Variants in HEATR4 observed in about 807,000 individuals in gnomAD.
HEATR4 encodes HEAT repeat-containing protein 4.
Under a neutral mutation model 108.8 loss-of-function variants are expected in HEATR4, and 95 were observed. The ratio of observed to expected loss-of-function variants is 0.87; its 90% CI spans 0.74 to 1.04. HEATR4 has a LOEUF of 1.04. Among genes scored for constraint, HEATR4 ranks in the 50% least tolerant of loss-of-function variants. The pLI is 0.00. For synonymous variants in HEATR4, 443 were observed against 459.4 expected (o/e 0.96, Z 0.46); for missense variants, 1,152 against 1,253.8 (o/e 0.92, Z 1.23).
Position 73,502,992 on chromosome 14 carries a change from G to T in HEATR4, c.2008C>A (p.Gln670Lys). 6.2e-7 allele frequency: 1 copy of T among 1,613,688 alleles called. No individual in the cohort carries two copies. Among genetic ancestry groups the T allele is most frequent in the Non-Finnish European group, 8.5e-7 (1 of 1,179,816 alleles). ...VCLDMKHKLIQLMWNDWNKEV... is the reference protein window; with the variant it reads ...VCLDMKHKLIKLMWNDWNKEV... Reference sequence around the variant, plus strand: ...TTATTCCAGTCATTCCACATCAGCTGGATCAACTTATGTTTCATATCCTAT... The same window carrying T: ...TTATTCCAGTCATTCCACATCAGCTTGATCAACTTATGTTTCATATCCTAT... Residue 670 changes from glutamine (Q) to lysine (K), a missense_variant, in exon 11 of 18, where the codon CAG becomes AAG. By Grantham distance (53) the Gln-to-Lys change is moderately conservative (BLOSUM62 1). Coordinates refer to ENST00000553558, the MANE Select transcript of HEATR4 (RefSeq NM_001220484.1).
Position 73,526,062 on chromosome 14 carries a change from C to T in HEATR4, c.-72-2838G>A, listed in dbSNP as rs559307158. Among the ~76,000 whole-genome samples, 11 of 152,230 alleles carry T rather than the reference C, an allele frequency of 7.2e-5. No homozygotes were observed. In the East Asian group the frequency reaches 7.7e-4, roughly 11 times the overall value. Reference sequence around the variant, plus strand: ...GAGGCACTGAAGAGGGTGGGAAAGACGGTCCTGCATCGCCTATGCCCCCCT... The same window carrying T: ...GAGGCACTGAAGAGGGTGGGAAAGATGGTCCTGCATCGCCTATGCCCCCCT... On this transcript the variant is annotated intron_variant, in intron 2 of 17. Transcript: ENST00000553558.
chr14:73,585,156 T>G, the HEATR4 span, among the ~76,000 whole-genome samples: 1 of 152,034 alleles, frequency 6.6e-6, no homozygotes, highest in Admixed American at 6.5e-5. Context: ...GCACACACTA[T>G]CCAGCATTCC....
In HEATR4 at chr14:73,509,811, C is replaced by CATATATATATAT. The variant is rs1566832128; in HGVS notation, c.1559-350_1559-339dup. On this transcript the variant is annotated intron_variant, in intron 7 of 17. Coordinates refer to ENST00000553558, the MANE Select transcript of HEATR4 (RefSeq NM_001220484.1). ...AAGCAACCAATTTGCCCCATGAGCC[C>CATATATATATAT]ATATATATATATATATATATATATA... Among the ~76,000 whole-genome samples, 6 of 19,492 alleles carry CATATATATATAT rather than the reference C, an allele frequency of 3.1e-4. 1 individual carries two copies. The highest frequency in any genetic ancestry group is 1.9e-3 in the South Asian group (1 of 526). The allele number at this position is 19,492 out of a possible 152,430, so 12.8% of individuals were successfully genotyped here.
At chr14:73,596,593 T>G in the HEATR4 span, 1 of 149,392 alleles carries the variant, frequency 6.7e-6, no homozygotes, top group Non-Finnish European at 1.5e-5. Context: ...ACATAGCATT[T>G]ATTATTATTA....
the HEATR4 span, among the ~76,000 whole-genome samples, chr14:73,567,132 T>TA: frequency 6.6e-6 from 1 of 152,060 alleles, no homozygotes; most frequent in African/African-American, 2.4e-5. Flanking sequence ...AGACAGGGTC[T>TA]TGCTATGTTG....
chr14:73,573,542 T>A, the HEATR4 span: 1 of 1,613,710 alleles, frequency 6.2e-7, no homozygotes, highest in Non-Finnish European at 8.5e-7. Context: ...AGACGCTCCA[T>A]CTGGAGTACT....
chr14:73,509,579 T>C, intron 7 of HEATR4, 106 bp from the exon 8 acceptor site: 1 of 1,084,732 alleles, frequency 9.2e-7, no homozygotes, highest in South Asian at 1.4e-5. Context: ...CCAGCTGCAG[T>C]TGCTTAGTGC....
At chr14:73,528,271 C>T (rs1023851152) in intron 2 of HEATR4, among the ~76,000 whole-genome samples, 1 of 150,724 alleles carries the variant, frequency 6.6e-6, no homozygotes, top group Non-Finnish European at 1.5e-5. Context: ...GGTGGGCATC[C>T]GTAATCCCAG....
rs1474630009 is a variant in HEATR4 at position 73,543,969 on chromosome 14, G to A, written c.-151-13725C>T. Reference sequence around the variant, plus strand: ...AACATCAATTAACAGTGTCTGGTACGTAAATGGAGTTCAATAATTATTTGC... The same window carrying A: ...AACATCAATTAACAGTGTCTGGTACATAAATGGAGTTCAATAATTATTTGC... On this transcript the variant is annotated intron_variant, in intron 1 of 17. Coordinates refer to ENST00000553558, the MANE Select transcript of HEATR4 (RefSeq NM_001220484.1). Among the ~76,000 whole-genome samples, 7 of 107,508 alleles carry A rather than the reference G, an allele frequency of 6.5e-5. 1 individual carries two copies. Among genetic ancestry groups the A allele is most frequent in the African/African-American group, 2.0e-4 (7 of 34,220 alleles). The allele number at this position is 107,508 out of a possible 152,430, so 70.5% of individuals were successfully genotyped here.
intron 6 of HEATR4, among the ~76,000 whole-genome samples, chr14:73,512,650 T>A (rs977476317): frequency 3.9e-5 from 6 of 152,322 alleles, no homozygotes; most frequent in African/African-American, 1.4e-4. Flanking sequence ...GGCAAGATAA[T>A]GAAGGTTCAA....
In HEATR4 at chr14:73,536,917, C is replaced by T. The variant is rs1380019189; in HGVS notation, c.-151-6673G>A. The stretch of plus-strand genomic sequence containing the variant: ...TTCAACAAAGTGATCAAAACCAACT[C>T]CAGTCCTGCATTCCTCTTCGCCATC... On this transcript the variant is annotated intron_variant, in intron 1 of 17. Transcript: ENST00000553558. 4.4e-5 allele frequency among the ~76,000 whole-genome samples: 5 copies of T among 114,570 alleles called. 2 individuals carry two copies. Among genetic ancestry groups the T allele is most frequent in the African/African-American group, 1.4e-4 (5 of 35,216 alleles). 75.2% of individuals were successfully genotyped at this position (114,570 alleles called of 152,430 possible).
chr14:73,617,401 C>T, the HEATR4 span, among the ~76,000 whole-genome samples: 3 of 151,954 alleles, frequency 2.0e-5, no homozygotes, highest in African/African-American at 7.2e-5. Flanking sequence ...GATTGCTTGA[C>T]CCCAGGAGTT....
At chr14:73,604,524 T>C in the HEATR4 span, among the ~76,000 whole-genome samples, 1 of 151,252 alleles carries the variant, frequency 6.6e-6, no homozygotes, top group Non-Finnish European at 1.5e-5. Flanking sequence ...CTTGCTCTGT[T>C]GCCCAGGCTG....
chr14:73,600,657 G>A, the HEATR4 span, among the ~76,000 whole-genome samples: 1 of 151,732 alleles, frequency 6.6e-6, no homozygotes, highest in South Asian at 2.1e-4. Context: ...CACCATGTCG[G>A]CCAATCTGGT....
chr14:73,596,573 C>T, the HEATR4 span: 1 of 152,062 alleles, frequency 6.6e-6, no homozygotes, highest in Admixed American at 6.6e-5. Context: ...GTCTCCTTGA[C>T]ATTGACACTA....
At chr14:73,551,726 T>G (rs190816078) in intron 1 of HEATR4, among the ~76,000 whole-genome samples, 1 of 108,972 alleles carries the variant, frequency 9.2e-6, no homozygotes, top group African/African-American at 3.0e-5. Flanking sequence ...GAGAATCGCT[T>G]GAACCCCAGG....
chr14:73,576,957 G>T, the HEATR4 span, among the ~76,000 whole-genome samples: 3 of 140,050 alleles, frequency 2.1e-5, no homozygotes, highest in East Asian at 2.0e-4. Flanking sequence ...TTGAGAGAGG[G>T]TCTCACTCTG....
At chr14:73,594,036 A>G in the HEATR4 span, 1 of 715,024 alleles carries the variant, frequency 1.4e-6, no homozygotes, top group Admixed American at 3.3e-5. Context: ...TCCTTGGCTT[A>G]AGGTGCTATT....
chr14:73,482,932 A>G (rs148782981), intron 17 of HEATR4, among the ~76,000 whole-genome samples: 164 of 152,296 alleles, frequency 1.1e-3, no homozygotes, highest in African/African-American at 3.5e-3. Flanking sequence ...AAGTGCTGGG[A>G]TTGCAGGCAT....
Sources: gnomAD v4.1 joint callset for allele counts (sites outside exome capture counted in the v4.1 genomes callset) on GRCh38, gnomAD v4.1.1 for gene constraint, MANE v1.5 for transcripts, NCBI Gene and HGNC (gene_info 2026-07-23, HGNC 2026-07-21) for gene names.